The following RFX7 variants were observed in gnomAD, a reference collection of about 807,000 sequenced individuals.
The protein encoded by RFX7 is DNA-binding protein RFX7.
Under a neutral mutation model 111.8 loss-of-function variants are expected in RFX7, and 26 were observed. The observed-to-expected ratio is 0.23, with a 90% CI of 0.17 to 0.32. RFX7 has a LOEUF of 0.32. RFX7 is among the 10% of genes least tolerant of loss of function. The pLI is 1.00. For missense variants in RFX7, 1,573 were observed against 1,772.9 expected (o/e 0.89, Z 2.02); for synonymous variants, 624 against 624.4 (o/e 1.00, Z 0.01).
In RFX7 at chr15:56,098,096, G is replaced by A; in HGVS notation, c.1092C>T (p.Val364=). 2 of 1,613,736 alleles carry A rather than the reference G, an allele frequency of 1.2e-6. No homozygotes were observed. Among genetic ancestry groups the A allele is most frequent in the Non-Finnish European group, 1.7e-6 (2 of 1,179,706 alleles). ...ATTATATTACCGGAATGGGACTAGG[G>A]ACAGCTGCCACAACGATACCAATAG... The part of the protein sequence containing the change: ...PQPIGIVVAA[V]PSPIPVQRTR... Residue 364 remains valine, a synonymous_variant, in exon 9 of 10, where the codon GTC becomes GTT. Coordinates refer to ENST00000559447, the MANE Select transcript of RFX7 (RefSeq NM_022841.7).
chr15:56,241,831 T>C (rs2043693207), intron 2 of RFX7, among the ~76,000 whole-genome samples: 1 of 152,174 alleles, frequency 6.6e-6, no homozygotes, highest in Non-Finnish European at 1.5e-5. Flanking sequence ...TAAACTTCAT[T>C]TTAAAATTAA....
intron 2 of RFX7, among the ~76,000 whole-genome samples, chr15:56,242,064 G>A (rs2043696935): frequency 6.6e-6 from 1 of 152,256 alleles, no homozygotes; most frequent in South Asian, 2.1e-4. Context: ...TTTTCAAAAT[G>A]AGAAAATGAG....
Position 56,228,396 on chromosome 15 carries a change from T to G in RFX7, c.161+14729A>C, listed in dbSNP as rs1596023746. Among the ~76,000 whole-genome samples the G allele has an allele frequency of 2.6e-5, 4 of 152,232 alleles. No individual in the cohort carries two copies. The South Asian group carries it at 8.3e-4, about 32-fold the overall frequency. On this transcript the variant is annotated intron_variant, in intron 2 of 9. Transcript: ENST00000559447. Reference sequence around the variant, plus strand: ...GAATTATGTAATTGAACTATGTAAATGAACTATGGAACTATGTTCCATCTT... The same window carrying G: ...GAATTATGTAATTGAACTATGTAAAGGAACTATGGAACTATGTTCCATCTT...
At chr15:56,153,444 C>G (rs2042604401) in intron 3 of RFX7, among the ~76,000 whole-genome samples, 1 of 151,980 alleles carries the variant, frequency 6.6e-6, no homozygotes, top group Non-Finnish European at 1.5e-5. Flanking sequence ...CACATAAATC[C>G]AATCCACATA....
chr15:56,113,246 C>T lies in RFX7; in HGVS notation c.402-9576G>A, dbSNP rs188233420. On this transcript the variant is annotated intron_variant, in intron 5 of 9. Transcript: ENST00000559447. ...TATTCACAATAGCAAAAACATAGAA[C>T]CAACCAAAATGCCCATCAATGATAG... is the stretch of plus-strand genomic sequence containing the variant. Among the ~76,000 whole-genome samples the T allele has an allele frequency of 4.0e-3, 607 of 152,236 alleles. 3 individuals carry two copies. The highest frequency in any genetic ancestry group is 5.8e-3 in the Non-Finnish European group (394 of 68,028).
chr15:56,102,338 GA>G (rs2041765422), intron 6 of RFX7, 85 bp from the exon 7 acceptor site: 1 of 707,530 alleles, frequency 1.4e-6, no homozygotes, highest in Admixed American at 3.3e-5. Context: ...TATATGAAAT[GA>G]GAAAAAAAAA....
chr15:56,145,024 C>T (rs1421435677), intron 3 of RFX7, among the ~76,000 whole-genome samples: 1 of 152,174 alleles, frequency 6.6e-6, no homozygotes, highest in Non-Finnish European at 1.5e-5. Flanking sequence ...TGAAATAAAA[C>T]CAGTAACTCT....
At chr15:56,239,989 T>C (rs914483353) in intron 2 of RFX7, among the ~76,000 whole-genome samples, 56 of 112,106 alleles carry the variant, frequency 5.0e-4, no homozygotes, top group African/African-American at 1.3e-3. Context: ...TATTTCTTTT[T>C]TTTTTTTTTT....
At chr15:56,184,934 T>C (rs183703715) in intron 2 of RFX7, among the ~76,000 whole-genome samples, 1 of 152,206 alleles carries the variant, frequency 6.6e-6, no homozygotes, top group African/African-American at 2.4e-5. Flanking sequence ...TATCTATGTA[T>C]CTTTTTAAAA....
chr15:56,181,552 A>G (rs2042974019), intron 2 of RFX7, among the ~76,000 whole-genome samples: 1 of 152,304 alleles, frequency 6.6e-6, no homozygotes, highest in Non-Finnish European at 1.5e-5. Flanking sequence ...AGTTCAATAA[A>G]ATCTGTTGAA....
chr15:56,154,182 A>G (rs1176304639), intron 3 of RFX7, among the ~76,000 whole-genome samples: 2 of 152,240 alleles, frequency 1.3e-5, no homozygotes, highest in African/African-American at 4.8e-5. Context: ...GGAAGAATCA[A>G]TATCATGAAA....
intron 5 of RFX7, among the ~76,000 whole-genome samples, chr15:56,138,544 A>G (rs1193417917): frequency 0.014 from 2,055 of 150,748 alleles, 19 homozygotes; most frequent in Middle Eastern, 0.031. Context: ...AATACAGCAC[A>G]CTGATGGGTC....
In RFX7 at chr15:56,096,113, C is replaced by A. The variant is rs765613419; in HGVS notation, c.1615G>T (p.Val539Leu). 1.4e-5 allele frequency: 23 copies of A among 1,613,712 alleles called. No homozygotes were observed. In the Admixed American group the frequency reaches 3.8e-4, roughly 27 times the overall value. ...TCATCTGATGATGTTTCGGGTTCCA[C>A]TTTGACTTCCACAGCAGATGTTCCC... ...AGGTSAVEVK[V>L]EPETSSDEHP... The change falls in exon 10 of 10, where the codon GTG becomes TTG. Residue 539 changes from valine (V) to leucine (L), a missense_variant. By Grantham distance (32) the Val-to-Leu change is conservative (BLOSUM62 1). Coordinates refer to ENST00000559447, the MANE Select transcript of RFX7 (RefSeq NM_022841.7).
chr15:56,216,976 T>C (rs748133558), intron 2 of RFX7, among the ~76,000 whole-genome samples: 8 of 152,192 alleles, frequency 5.3e-5, no homozygotes, highest in Admixed American at 2.0e-4. Flanking sequence ...TTTGGAGGTA[T>C]ATTTTTAATT....
In RFX7 at chr15:56,243,508, C is replaced by T. The variant is rs751499593; in HGVS notation, c.-66G>A. On this transcript the variant is annotated 5_prime_UTR_variant, in exon 1 of 10. Transcript: ENST00000559447. ...GGAACATCACCGGGGAGACCAGCGG[C>T]TCCTCACGGCCGGGGCGCTTCACCG... 8 of 984,858 alleles carry T rather than the reference C, an allele frequency of 8.1e-6. No homozygotes were observed. Among genetic ancestry groups the T allele is most frequent in the Middle Eastern group, 5.2e-4 (1 of 1,934 alleles). 61.0% of individuals were successfully genotyped at this position (984,858 alleles called of 1,614,324 possible). A position where few individuals can be genotyped will look rare whatever the true frequency, so the allele number is the denominator to read the frequency against.
At chr15:56,122,287 C>T (rs1231641502) in intron 5 of RFX7, among the ~76,000 whole-genome samples, 3 of 152,050 alleles carry the variant, frequency 2.0e-5, no homozygotes, top group African/African-American at 7.2e-5. Flanking sequence ...CACAGAGGTA[C>T]CACCTTGATG....
chr15:56,126,634 TC>T (rs2042149447), intron 5 of RFX7, among the ~76,000 whole-genome samples: 2 of 152,172 alleles, frequency 1.3e-5, no homozygotes, highest in South Asian at 4.1e-4. Flanking sequence ...TAAAACATCA[TC>T]AAAGTATATG....
At chr15:56,197,248 T>C (rs1480300998) in intron 2 of RFX7, among the ~76,000 whole-genome samples, 1 of 152,196 alleles carries the variant, frequency 6.6e-6, no homozygotes, top group African/African-American at 2.4e-5. Flanking sequence ...TAATAGAAGC[T>C]CTTTTTATAC....
intron 2 of RFX7, among the ~76,000 whole-genome samples, chr15:56,236,517 T>C (rs2043625389): frequency 6.6e-6 from 1 of 152,112 alleles, no homozygotes; most frequent in Non-Finnish European, 1.5e-5. Context: ...ACAAGAGTGG[T>C]CTACTTTGCT....
Sources: allele counts gnomAD v4.1 joint callset (sites outside exome capture counted in the v4.1 genomes callset), GRCh38; gene constraint gnomAD v4.1.1; transcripts MANE v1.5; gene names NCBI Gene and HGNC (gene_info 2026-07-23, HGNC 2026-07-21).